The following MAP4K5 variants were observed in gnomAD, a reference collection of about 807,000 sequenced individuals.
MAP4K5 encodes the protein MAPK/ERK kinase kinase kinase 5.
A neutral mutation model predicts 135.6 loss-of-function variants in MAP4K5; 82 were observed. That is an observed-to-expected ratio of 0.60 (90% CI 0.51 to 0.73). MAP4K5 has a LOEUF of 0.73. MAP4K5 is among the 30% of genes least tolerant of loss of function. The probability of loss-of-function intolerance (pLI) is 0.00; values close to 1 mark genes in which losing one functional copy is unlikely to be tolerated. For missense variants in MAP4K5, 907 were observed against 1,010.9 expected, an observed-to-expected ratio of 0.90 and a Z score of 1.39; for synonymous variants, 347 against 335.0, an observed-to-expected ratio of 1.04 and a Z score of -0.39.
At chr14:50,459,564 T>A (rs2036663845) in intron 13 of MAP4K5, among the ~76,000 whole-genome samples, 1 of 152,190 alleles carries the variant, frequency 6.6e-6, no homozygotes, top group African/African-American at 2.4e-5. Flanking sequence ...TTTAATGGCT[T>A]TCTACTACCC....
At position 50,525,120 on chromosome 14, in the gene MAP4K5, G is replaced by C. The variant is rs1006707644; in HGVS notation, c.108+6822C>G. Among the ~76,000 whole-genome samples, 9 of 152,228 alleles carry C rather than the reference G, an allele frequency of 5.9e-5. No individual in the cohort carries two copies. In the East Asian group the frequency reaches 1.7e-3, roughly 29 times the overall value. On this transcript the variant is annotated intron_variant, in intron 2 of 32. Transcript: ENST00000682126. ...TATTTCACAGGTACCACCCCATAAAGTGATGATGACTCCCAAACCTGTATC... is the reference window on the plus strand; with the variant it reads ...TATTTCACAGGTACCACCCCATAAACTGATGATGACTCCCAAACCTGTATC...
intron 2 of MAP4K5, among the ~76,000 whole-genome samples, chr14:50,518,502 C>T (rs2038081033): frequency 1.3e-5 from 2 of 152,122 alleles, no homozygotes; most frequent in Non-Finnish European, 2.9e-5. Context: ...TGCAAAACTC[C>T]TTAATTTTTG....
chr14:50,447,525 G>C (rs746462499), intron 15 of MAP4K5, 44 bp from the exon 16 acceptor site: 5 of 1,047,082 alleles, frequency 4.8e-6, no homozygotes, highest in Non-Finnish European at 7.0e-6. Context: ...TTTGTAACAG[G>C]TATTAACCAT....
At chr14:50,467,418 C>T (rs1595474780) in intron 10 of MAP4K5, among the ~76,000 whole-genome samples, 1 of 151,946 alleles carries the variant, frequency 6.6e-6, no homozygotes, top group Admixed American at 6.5e-5. Context: ...CTCTTTAAAA[C>T]ATTTTTCTAA....
intron 14 of MAP4K5, chr14:50,456,269 C>A (rs190297219): frequency 2.7e-4 from 125 of 461,798 alleles, no homozygotes; most frequent in Admixed American, 7.5e-4. Flanking sequence ...TTAATTTTCT[C>A]TTTTTTTTCT....
rs1349250558 is a variant in MAP4K5 at position 50,444,009 on chromosome 14, A to G, written c.1367T>C (p.Met456Thr). 3 of 1,605,538 alleles carry G rather than the reference A, an allele frequency of 1.9e-6. No individual in the cohort carries two copies. Residue 456 changes from methionine (M) to threonine (T), a missense_variant, in exon 19 of 33, where the codon ATG becomes ACG. Coordinates refer to ENST00000682126, the MANE Select transcript of MAP4K5 (RefSeq NM_006575.6). ...TGCTGATCCTTCTGTATTTTCACTC[A>G]TCAGTTTTGAAATACCATCACCATT... ...IGNGDGISKL[M>T]SENTEGSAQA...
At chr14:50,428,515 C>G in intron 30 of MAP4K5, 147 bp downstream of exon 30, 1 of 454,512 alleles carries the variant, frequency 2.2e-6, no homozygotes, top group Non-Finnish European at 3.9e-6. Flanking sequence ...CTTGGCCTCC[C>G]AAAGTGCTGG....
chr14:50,526,266 T>C (rs1231846012), intron 2 of MAP4K5, among the ~76,000 whole-genome samples: 2 of 152,212 alleles, frequency 1.3e-5, no homozygotes, highest in Non-Finnish European at 2.9e-5. Flanking sequence ...TGGCACATAA[T>C]TTTCTACCAA....
intron 6 of MAP4K5, 60 bp from the exon 7 acceptor site, chr14:50,476,366 A>T (rs566694535): frequency 1.2e-6 from 1 of 806,458 alleles, no homozygotes; most frequent in South Asian, 2.5e-5. Flanking sequence ...GTGACTCCTA[A>T]ATTTTCTACT....
At chr14:50,522,898 T>C (rs1455648268) in intron 2 of MAP4K5, among the ~76,000 whole-genome samples, 3 of 152,176 alleles carry the variant, frequency 2.0e-5, no homozygotes, top group Non-Finnish European at 2.9e-5. Context: ...TATTTAAAGA[T>C]CAAAGTATAC....
At chr14:50,473,974 T>C (rs2037036871) in intron 9 of MAP4K5, among the ~76,000 whole-genome samples, 1 of 152,168 alleles carries the variant, frequency 6.6e-6, no homozygotes, top group African/African-American at 2.4e-5. Context: ...TCCGCCCGCC[T>C]CAGCCTCTCA....
intron 6 of MAP4K5, among the ~76,000 whole-genome samples, chr14:50,476,860 G>A (rs1372335479): frequency 6.6e-6 from 1 of 152,178 alleles, no homozygotes; most frequent in Non-Finnish European, 1.5e-5. Flanking sequence ...GTTTCCTTAT[G>A]TGGTGCTCCT....
At chr14:50,432,868 G>T (rs1053530481) in intron 28 of MAP4K5, among the ~76,000 whole-genome samples, 1 of 151,842 alleles carries the variant, frequency 6.6e-6, no homozygotes, top group Admixed American at 6.6e-5. Flanking sequence ...ACAGAGTTTC[G>T]TTCTTGTTGC....
Position 50,419,482 on chromosome 14 carries a change from T to G in MAP4K5, c.*537A>C, listed in dbSNP as rs2035676523. On this transcript the variant is annotated 3_prime_UTR_variant, in exon 33 of 33. Transcript: ENST00000682126. ...TATACATTATAAAAAAAATTTAAGCTGCTCTGCAACCCTCCTTTGCTAAAA... is the reference window on the plus strand; with the variant it reads ...TATACATTATAAAAAAAATTTAAGCGGCTCTGCAACCCTCCTTTGCTAAAA... The G allele has an allele frequency of 6.5e-6, 1 of 152,828 alleles. No individual in the cohort carries two copies. Among genetic ancestry groups the G allele is most frequent in the East Asian group, 1.9e-4 (1 of 5,194 alleles). 9.5% of individuals were successfully genotyped at this position (152,828 alleles called of 1,614,324 possible).
At chr14:50,504,530 GA>G (rs1285958209) in intron 3 of MAP4K5, among the ~76,000 whole-genome samples, 1 of 152,020 alleles carries the variant, frequency 6.6e-6, no homozygotes, top group South Asian at 2.1e-4. Context: ...AGCTAAACCT[GA>G]AGTTCAAATA....
chr14:50,553,779 GA>G (rs1343495217), intron 1 of MAP4K5, among the ~76,000 whole-genome samples: 2 of 152,158 alleles, frequency 1.3e-5, no homozygotes, highest in African/African-American at 4.8e-5. Context: ...CCATAAAACA[GA>G]ACAAAATAAT....
chr14:50,532,646 A>T (rs1355933846), upstream of MAP4K5: 1 of 152,946 alleles, frequency 6.5e-6, no homozygotes, highest in African/African-American at 2.4e-5. Context: ...CCCAGCCAGC[A>T]TGGGTCGGCG....
At chr14:50,531,754 G>C (rs1481068003) in intron 2 of MAP4K5, among the ~76,000 whole-genome samples, 188 bp downstream of exon 2, 2 of 152,208 alleles carry the variant, frequency 1.3e-5, no homozygotes, top group Non-Finnish European at 2.9e-5. Context: ...AGTTCTGCCT[G>C]TTGGTAGCGA....
intron 1 of MAP4K5, among the ~76,000 whole-genome samples, chr14:50,548,882 G>T (rs1178711508): frequency 6.6e-6 from 1 of 152,062 alleles, no homozygotes; most frequent in Non-Finnish European, 1.5e-5. Context: ...CATGTATAGG[G>T]CATTGCAACA....
Sources: allele counts gnomAD v4.1 joint callset (sites outside exome capture counted in the v4.1 genomes callset), GRCh38; gene constraint gnomAD v4.1.1; transcripts MANE v1.5; gene names NCBI Gene and HGNC (gene_info 2026-07-23, HGNC 2026-07-21).